The following HSD17B6 variants were observed in gnomAD, a reference collection of about 807,000 sequenced individuals.
HSD17B6 encodes the protein 17-beta-hydroxysteroid dehydrogenase type 6.
In HSD17B6, 16 loss-of-function variants were observed where a neutral mutation model predicts 26.4. The observed-to-expected ratio is 0.61, with a 90% CI of 0.41 to 0.92. The LOEUF is 0.92. HSD17B6 is among the 40% of genes least tolerant of loss of function. The pLI is 0.00. For synonymous variants in HSD17B6, 139 were observed against 153.0 expected, an observed-to-expected ratio of 0.91 and a Z score of 0.68; for missense variants, 357 against 386.1, an observed-to-expected ratio of 0.92 and a Z score of 0.63.
chr12:56,784,059 T>C (rs1954814246), intron 3 of HSD17B6, among the ~76,000 whole-genome samples: 1 of 146,358 alleles, frequency 6.8e-6, no homozygotes, highest in Non-Finnish European at 1.5e-5. Context: ...GCAGAGGCGC[T>C]CCCCACATCT....
At chr12:56,786,337 C>A (rs568538673) in intron 4 of HSD17B6, among the ~76,000 whole-genome samples, 31 of 149,432 alleles carry the variant, frequency 2.1e-4, no homozygotes, top group Admixed American at 6.0e-4. Context: ...GCAACCTCTG[C>A]CTCCCGGGTT....
intron 2 of HSD17B6, among the ~76,000 whole-genome samples, chr12:56,777,365 AT>A (rs60596799): frequency 1.9e-3 from 263 of 138,740 alleles, no homozygotes; most frequent in African/African-American, 3.2e-3. Flanking sequence ...CAAAGTGTAA[AT>A]TTTTTTTTTT....
intron 1 of HSD17B6, among the ~76,000 whole-genome samples, chr12:56,765,504 T>C (rs1004320676): frequency 1.3e-5 from 2 of 151,980 alleles, no homozygotes; most frequent in African/African-American, 4.8e-5. Flanking sequence ...ATTATCTATT[T>C]ATTAATTTTT....
At chr12:56,776,217 C>T (rs991473529) in intron 2 of HSD17B6, among the ~76,000 whole-genome samples, 12 of 152,058 alleles carry the variant, frequency 7.9e-5, no homozygotes, top group Non-Finnish European at 7.4e-5. Context: ...TGAGCCATCG[C>T]GCCCGGCTGG....
chr12:56,786,249 G>A (rs1260251715), intron 4 of HSD17B6, among the ~76,000 whole-genome samples: 2 of 127,136 alleles, frequency 1.6e-5, no homozygotes, highest in Admixed American at 8.0e-5. Flanking sequence ...TAAGTTGTGT[G>A]TTTTTTTTTT....
intron 4 of HSD17B6, among the ~76,000 whole-genome samples, chr12:56,786,295 G>A (rs1954873060): frequency 6.7e-6 from 1 of 149,370 alleles, no homozygotes; most frequent in Non-Finnish European, 1.5e-5. Flanking sequence ...TGTCACCCAG[G>A]CTGGAGTGCA....
intron 3 of HSD17B6, 122 bp from the exon 4 acceptor site, chr12:56,784,731 T>C: frequency 2.0e-6 from 2 of 1,023,694 alleles, no homozygotes; most frequent in Non-Finnish European, 2.9e-6. Context: ...GAGAGGGAGA[T>C]TTCTTTATTC....
chr12:56,785,165 A>G, intron 4 of HSD17B6, 149 bp downstream of exon 4: 1 of 808,086 alleles, frequency 1.2e-6, no homozygotes, highest in South Asian at 2.1e-5. Context: ...GTCCTCAGGA[A>G]ACTTATAATC....
intron 2 of HSD17B6, among the ~76,000 whole-genome samples, chr12:56,776,362 T>C (rs1954594075): frequency 6.9e-6 from 1 of 144,788 alleles, no homozygotes; most frequent in Non-Finnish European, 1.5e-5. Flanking sequence ...CTGAGTGCAG[T>C]GGAATGATCA....
At chr12:56,780,704 CA>C (rs1049443036) in intron 2 of HSD17B6, among the ~76,000 whole-genome samples, 1 of 151,490 alleles carries the variant, frequency 6.6e-6, no homozygotes, top group Non-Finnish European at 1.5e-5. Flanking sequence ...CTAAAAATAC[CA>C]AAAAAATTAG....
intron 1 of HSD17B6, among the ~76,000 whole-genome samples, chr12:56,767,750 C>T (rs12828479): frequency 0.076 from 10,669 of 139,690 alleles, 442 homozygotes; most frequent in African/African-American, 0.1. Flanking sequence ...ATTATATATA[C>T]GTATATATAT....
chr12:56,784,492 C>G lies in HSD17B6; in HGVS notation c.573-361C>G, dbSNP rs371608837. Among the ~76,000 whole-genome samples, 5 of 152,326 alleles carry G rather than the reference C, an allele frequency of 3.3e-5. No individual in the cohort carries two copies. In the South Asian group the frequency reaches 1.0e-3, roughly 32 times the overall value. On this transcript the variant is annotated intron_variant, in intron 3 of 4. Coordinates refer to ENST00000322165, the MANE Select transcript of HSD17B6 (RefSeq NM_003725.4). ...GAGCTGGAGACCGGCCCGGCCAACACAGTGAAACCCCGTCTCCACCAAAAA... is the reference window on the plus strand; with the variant it reads ...GAGCTGGAGACCGGCCCGGCCAACAGAGTGAAACCCCGTCTCCACCAAAAA...
At chr12:56,784,807 G>T in intron 3 of HSD17B6, 46 bp from the exon 4 acceptor site, 1 of 1,575,050 alleles carries the variant, frequency 6.3e-7, no homozygotes, top group Non-Finnish European at 8.6e-7. Flanking sequence ...TGAAAGCATT[G>T]AAATGGTGGT....
chr12:56,773,378 C>T (rs1001821596), intron 1 of HSD17B6, among the ~76,000 whole-genome samples: 4 of 152,210 alleles, frequency 2.6e-5, no homozygotes, highest in African/African-American at 9.6e-5. Flanking sequence ...TTTGGCCCTT[C>T]ACTACCTCAT....
At chr12:56,780,273 C>A (rs1331652114) in intron 2 of HSD17B6, among the ~76,000 whole-genome samples, 1 of 152,164 alleles carries the variant, frequency 6.6e-6, no homozygotes, top group African/African-American at 2.4e-5. Flanking sequence ...AGACTTTCCT[C>A]CCCATCTGAT....
At chr12:56,773,752 A>G in intron 1 of HSD17B6, 82 bp from the exon 2 acceptor site, 1 of 1,300,798 alleles carries the variant, frequency 7.7e-7, no homozygotes, top group Admixed American at 2.7e-5. Flanking sequence ...ACCTAGTGCA[A>G]TGCCTGGCAC....
At chr12:56,778,674 CTTTTTTTT>C (rs1159153527) in intron 2 of HSD17B6, among the ~76,000 whole-genome samples, 1 of 122,964 alleles carries the variant, frequency 8.1e-6, no homozygotes, top group Admixed American at 8.2e-5. Context: ...GAGTCTTTTT[CTTTTTTTT>C]TTTTTTTTTT....
intron 3 of HSD17B6, among the ~76,000 whole-genome samples, chr12:56,782,617 C>G (rs577624907): frequency 6.6e-6 from 1 of 152,118 alleles, no homozygotes; most frequent in East Asian, 1.9e-4. Flanking sequence ...CCTCAACTTC[C>G]CTGGTAGCTG....
intron 1 of HSD17B6, among the ~76,000 whole-genome samples, chr12:56,773,202 C>T (rs73338912): frequency 0.033 from 4,972 of 152,252 alleles, 270 homozygotes; most frequent in African/African-American, 0.11. Context: ...GCCTTCACCA[C>T]ACCTGTTTCA....
Sources: gnomAD v4.1 joint callset for allele counts (sites outside exome capture counted in the v4.1 genomes callset) on GRCh38, gnomAD v4.1.1 for gene constraint, MANE v1.5 for transcripts, NCBI Gene and HGNC (gene_info 2026-07-23, HGNC 2026-07-21) for gene names.